The following COL5A1 variants were observed in gnomAD, a reference collection of about 807,000 sequenced individuals.
COL5A1 encodes the protein collagen alpha-1(V) chain.
In COL5A1, 16 loss-of-function variants were observed where a neutral mutation model predicts 263.7. The observed-to-expected ratio is 0.06, with a 90% confidence interval of 0.04 to 0.09. The LOEUF is 0.09. Ranked by LOEUF, COL5A1 falls within the 10% of genes least tolerant of loss-of-function variation. The pLI, the probability that COL5A1 is intolerant of heterozygous loss-of-function variation, is 1.00. For synonymous variants in COL5A1, 1,012 were observed against 1,004.5 expected (o/e 1.01, Z -0.14); for missense variants, 2,036 against 2,540.5 (o/e 0.80, Z 4.27).
chr9:134,821,140 C>A lies in COL5A1; in HGVS notation c.4554+917C>A, dbSNP rs1221144548. On this transcript the variant is annotated intron_variant, in intron 58 of 65. Coordinates refer to ENST00000371817, the MANE Select transcript of COL5A1 (RefSeq NM_000093.5). The surrounding 1 kb of genome is among the most constrained non-coding windows in gnomAD (Gnocchi z 4.2). ...CGGTATCCCCAGGCCACAGCAGGGT[C>A]GTCGGAGGAGTGCCGCCCAGGGTGT... 2.0e-5 allele frequency among the ~76,000 whole-genome samples: 3 copies of A among 152,102 alleles called. No homozygotes were observed. Among genetic ancestry groups the A allele is most frequent in the African/African-American group, 7.2e-5 (3 of 41,406 alleles).
intron 1 of COL5A1, among the ~76,000 whole-genome samples, chr9:134,675,969 A>AC (rs34985020): frequency 6.6e-6 from 1 of 152,072 alleles, no homozygotes; most frequent in Non-Finnish European, 1.5e-5. Context: ...GGGGACATAG[A>AC]CCCCACCCCT....
chr9:134,772,056 C>T (rs769524820), intron 25 of COL5A1, among the ~76,000 whole-genome samples: 1 of 152,174 alleles, frequency 6.6e-6, no homozygotes, highest in Non-Finnish European at 1.5e-5. Flanking sequence ...CCTAGAGCCT[C>T]GGCTGGGTAC....
intron 1 of COL5A1, among the ~76,000 whole-genome samples, chr9:134,664,016 G>A (rs1832286411): frequency 6.6e-6 from 1 of 152,194 alleles, no homozygotes; most frequent in Non-Finnish European, 1.5e-5. Flanking sequence ...GCCCACCCTC[G>A]GGAATCAGTC....
chr9:134,707,978 G>C (rs1004353335), intron 4 of COL5A1, among the ~76,000 whole-genome samples: 2 of 152,212 alleles, frequency 1.3e-5, no homozygotes, highest in Non-Finnish European at 2.9e-5. Context: ...CTTTCCTCCT[G>C]GTCGGGGGAG....
rs138282798 is a variant in COL5A1, at chr9:134,784,788, C to T, written c.2485-201C>T. On this transcript the variant is annotated intron_variant, in intron 29 of 65. Transcript: ENST00000371817. ...CCAGCTTCCGCAGAGCCCGGGAGCC[C>T]GGGAATTCGCGGTACAATGCGCTCG... 9.8e-3 allele frequency among the ~76,000 whole-genome samples: 1,490 copies of T among 152,360 alleles called. 11 individuals are homozygous for T. Among genetic ancestry groups the T allele is most frequent in the South Asian group, 0.016 (77 of 4,826 alleles).
At chr9:134,654,467 GA>G (rs1831845289) in intron 1 of COL5A1, among the ~76,000 whole-genome samples, 3 of 127,632 alleles carry the variant, frequency 2.4e-5, no homozygotes, top group African/African-American at 3.0e-5. Context: ...TGTAGGGCTG[GA>G]GGTGTGTAGG....
intron 11 of COL5A1, among the ~76,000 whole-genome samples, chr9:134,745,720 C>T (rs1835486907): frequency 6.6e-6 from 1 of 152,130 alleles, no homozygotes; most frequent in African/African-American, 2.4e-5. Flanking sequence ...GATCCTCGGA[C>T]AATTGATGAC....
At chr9:134,714,380 A>G (rs1008496868) in intron 4 of COL5A1, among the ~76,000 whole-genome samples, 3 of 149,646 alleles carry the variant, frequency 2.0e-5, no homozygotes, top group Admixed American at 2.0e-4. Context: ...AATGGTCATG[A>G]TGGTAGTGAT....
chr9:134,839,343 C>G (rs952999415), intron 65 of COL5A1, among the ~76,000 whole-genome samples: 7 of 152,164 alleles, frequency 4.6e-5, no homozygotes, highest in African/African-American at 1.7e-4. Context: ...TCGCAGCGGC[C>G]TACTTTAAAT....
intron 11 of COL5A1, among the ~76,000 whole-genome samples, chr9:134,746,523 G>A (rs1835519581): frequency 2.0e-5 from 3 of 152,252 alleles, no homozygotes; most frequent in Non-Finnish European, 4.4e-5. Flanking sequence ...GGCAGAGGGA[G>A]CCACTTTGTG....
chr9:134,734,490 A>G (rs1835024096), intron 9 of COL5A1, among the ~76,000 whole-genome samples: 1 of 152,252 alleles, frequency 6.6e-6, no homozygotes, highest in African/African-American at 2.4e-5. Flanking sequence ...CAAGCTGCAC[A>G]TAAACAGATG....
chr9:134,684,189 G>A (rs1832942628), intron 1 of COL5A1, among the ~76,000 whole-genome samples: 1 of 152,230 alleles, frequency 6.6e-6, no homozygotes, highest in African/African-American at 2.4e-5. Context: ...CCTCTTCCTT[G>A]CTTCTGAGCC....
At chr9:134,820,797 G>A (rs1209770323) in intron 58 of COL5A1, among the ~76,000 whole-genome samples, 7 of 152,166 alleles carry the variant, frequency 4.6e-5, no homozygotes, top group Non-Finnish European at 8.8e-5. Flanking sequence ...AGGCAGGAGA[G>A]GGGATGAGGT....
chr9:134,771,447 C>T (rs748489208), intron 25 of COL5A1, among the ~76,000 whole-genome samples: 4 of 152,324 alleles, frequency 2.6e-5, no homozygotes, highest in South Asian at 4.1e-4. Context: ...GGTGAGGTCC[C>T]GCAGGTGCCT....
intron 4 of COL5A1, among the ~76,000 whole-genome samples, chr9:134,701,816 G>A (rs892126635): frequency 1.1e-4 from 17 of 152,352 alleles, no homozygotes; most frequent in Middle Eastern, 3.4e-3. Flanking sequence ...GTCTAGCTGT[G>A]TCCAGCCAGG....
chr9:134,693,280 G>A (rs1359398854), intron 2 of COL5A1, among the ~76,000 whole-genome samples: 2 of 151,550 alleles, frequency 1.3e-5, no homozygotes, highest in African/African-American at 2.4e-5. Flanking sequence ...CCGAGATCGC[G>A]CCATTGCACT....
intron 4 of COL5A1, among the ~76,000 whole-genome samples, chr9:134,703,676 C>T (rs377524462): frequency 4.9e-5 from 7 of 142,560 alleles, no homozygotes; most frequent in Non-Finnish European, 9.1e-5. Context: ...CTCGCTCCGT[C>T]GCCCAGGCTG....
chr9:134,747,005 C>A (rs545402391), intron 11 of COL5A1, among the ~76,000 whole-genome samples: 1 of 152,138 alleles, frequency 6.6e-6, no homozygotes, highest in African/African-American at 2.4e-5. Flanking sequence ...AAAGTCTTTA[C>A]GTTAGAGACC....
chr9:134,681,900 CCT>C lies in COL5A1; in HGVS notation c.110-9005_110-9004del. On this transcript the variant is annotated intron_variant, in intron 1 of 65. Transcript: ENST00000371817. This position sits in a 1 kb window ranked among gnomAD's most constrained non-coding sequence, Gnocchi z 4.3. ...TCCTCTCTTTCTCTCTCTGTCTCTC[CCT>C]CTCTCTTTCTGTCTGTGTAGCTCTC... Among the ~76,000 whole-genome samples the C allele has an allele frequency of 6.6e-6, 1 of 152,066 alleles. No individual in the cohort carries two copies. The highest frequency in any genetic ancestry group is 6.6e-5 in the Admixed American group (1 of 15,266).
Sources: allele counts gnomAD v4.1 joint callset (sites outside exome capture counted in the v4.1 genomes callset), GRCh38; gene constraint gnomAD v4.1.1; non-coding constraint Gnocchi (gnomAD v3.1); transcripts MANE v1.5; gene names NCBI Gene and HGNC (gene_info 2026-07-23, HGNC 2026-07-21).